MYH10: variants seen among roughly 807,000 people sequenced by gnomAD.
The protein encoded by MYH10 is myosin heavy chain 10.
Under a neutral mutation model 257.8 loss-of-function variants are expected in MYH10, and 55 were observed. The ratio of observed to expected loss-of-function variants is 0.21; its 90% confidence interval spans 0.17 to 0.27. MYH10 has a LOEUF of 0.27. MYH10 is among the 10% of genes least tolerant of loss of function. The pLI is 1.00. For missense variants in MYH10, 1,631 were observed against 2,500.6 expected (o/e 0.65, Z 7.42); for synonymous variants, 854 against 921.7 (o/e 0.93, Z 1.33).
chr17:8,601,878 T>A (rs1325155831), intron 3 of MYH10, among the ~76,000 whole-genome samples: 1 of 152,224 alleles, frequency 6.6e-6, no homozygotes, highest in Non-Finnish European at 1.5e-5. Context: ...GAATATTTTT[T>A]ATTAATACAC....
chr17:8,556,269 T>G (rs1399759283), intron 7 of MYH10, among the ~76,000 whole-genome samples: 3 of 151,888 alleles, frequency 2.0e-5, no homozygotes, highest in African/African-American at 7.3e-5. Context: ...CTGGGCGGGG[T>G]TTCACCCACG....
chr17:8,527,547 C>T (rs1454708056), intron 17 of MYH10, among the ~76,000 whole-genome samples: 1 of 152,182 alleles, frequency 6.6e-6, no homozygotes, highest in Non-Finnish European at 1.5e-5. Flanking sequence ...CCTTGGGACA[C>T]TATGAGCGAT....
chr17:8,550,261 G>A (rs1230259246), intron 9 of MYH10, among the ~76,000 whole-genome samples: 38 of 151,758 alleles, frequency 2.5e-4, no homozygotes, highest in Non-Finnish European at 2.9e-5. Context: ...CTTCCCGGCC[G>A]CCATCACATC....
chr17:8,518,780 T>G lies in MYH10; in HGVS notation c.2355A>C (p.Leu785Phe). 3.7e-6 allele frequency: 6 copies of G among 1,612,708 alleles called. No individual in the cohort carries two copies. Among genetic ancestry groups the G allele is most frequent in the Non-Finnish European group, 5.1e-6 (6 of 1,179,664 alleles). The change falls in exon 21 of 43, where the codon TTA becomes TTC. Residue 785 changes from leucine (L) to phenylalanine (F), a missense_variant. Physicochemically the swap from Leu to Phe is conservative, Grantham distance 22. Coordinates refer to ENST00000360416, the MANE Select transcript of MYH10 (RefSeq NM_001256012.3). ...KQACERMIRA[L>F]ELDPNLYRIG... ...TTCTGTACAAGTTTGGGTCCAATTC[T>G]AAAGCCCGGATCTAAGAGAGAAAGA...
rs537774012 is a variant in MYH10, at chr17:8,474,843, A to C, written c.*961T>G. 6.5e-6 allele frequency: 1 copy of C among 152,780 alleles called. No individual in the cohort carries two copies. The highest frequency in any genetic ancestry group is 1.9e-4 in the East Asian group (1 of 5,188). The allele number at this position is 152,780 out of a possible 1,614,324, so 9.5% of individuals were successfully genotyped here. A position where few individuals can be genotyped will look rare whatever the true frequency, so the allele number is the denominator to read the frequency against. On this transcript the variant is annotated 3_prime_UTR_variant, in exon 43 of 43. Transcript: ENST00000360416. Reference sequence around the variant, plus strand: ...CTGTTCTGGAGGCTCCATAAACCTCATTGACAAACTTGGAACAAGCCTCGG... The same window carrying C: ...CTGTTCTGGAGGCTCCATAAACCTCCTTGACAAACTTGGAACAAGCCTCGG...
At chr17:8,555,526 T>C (rs1317263117) in intron 7 of MYH10, among the ~76,000 whole-genome samples, 5 of 152,190 alleles carry the variant, frequency 3.3e-5, no homozygotes, top group Non-Finnish European at 7.3e-5. Context: ...GGTAATTTAA[T>C]AGGGAAAGGA....
At chr17:8,514,236 G>A (rs1366278205) in intron 21 of MYH10, among the ~76,000 whole-genome samples, 2 of 152,222 alleles carry the variant, frequency 1.3e-5, no homozygotes, top group Non-Finnish European at 2.9e-5. Context: ...ACTGTAGACA[G>A]AAGGGCCCGT....
Position 8,492,292 on chromosome 17 carries a change from CT to C in MYH10, c.4671+4del. ...CGGAAGTGTGGAGCCCACCAGGCGA[CT>C]TACGTTTTTTCCCACATCATCTTTG... On this transcript the variant is annotated splice_donor_region_variant and intron_variant, in intron 34 of 42. Coordinates refer to ENST00000360416, the MANE Select transcript of MYH10 (RefSeq NM_001256012.3). The C allele has an allele frequency of 6.2e-7, 1 of 1,611,414 alleles. No homozygotes were observed.
At chr17:8,529,623 C>T (rs967230614) in intron 17 of MYH10, among the ~76,000 whole-genome samples, 1 of 152,128 alleles carries the variant, frequency 6.6e-6, no homozygotes, top group Non-Finnish European at 1.5e-5. Context: ...TTCTCTCCTC[C>T]CACTCCATAC....
At position 8,490,912 on chromosome 17, in the gene MYH10, A is replaced by G. The variant is rs777472807; in HGVS notation, c.4672-360T>C. 2.8e-4 allele frequency among the ~76,000 whole-genome samples: 42 copies of G among 152,352 alleles called. No individual in the cohort carries two copies. Among genetic ancestry groups the G allele is most frequent in the Admixed American group, 5.9e-4 (9 of 15,304 alleles). On this transcript the variant is annotated intron_variant, in intron 34 of 42. Coordinates refer to ENST00000360416, the MANE Select transcript of MYH10 (RefSeq NM_001256012.3). The surrounding 1 kb of genome is among the most constrained non-coding windows in gnomAD (Gnocchi z 4.1). ...TCCTTGCCTGCTGTCTGTGAGGAAC[A>G]AGTACAACAGTACATCTCTTCTTGC...
intron 3 of MYH10, among the ~76,000 whole-genome samples, chr17:8,604,464 T>C (rs1025976192): frequency 4.6e-5 from 7 of 152,226 alleles, no homozygotes; most frequent in African/African-American, 1.7e-4. Context: ...CAATTTTTCT[T>C]TCCCCAGTGC....
At chr17:8,522,278 G>A (rs1277991705) in intron 17 of MYH10, among the ~76,000 whole-genome samples, 1 of 152,220 alleles carries the variant, frequency 6.6e-6, no homozygotes, top group Non-Finnish European at 1.5e-5. Context: ...TGTATGAAGA[G>A]CTTTATGTGC....
Position 8,589,119 on chromosome 17 carries a change from GAACAA to G in MYH10, c.503-16_503-12del, listed in dbSNP as rs1338130828. On this transcript the variant is annotated splice_polypyrimidine_tract_variant and intron_variant, in intron 3 of 42. Coordinates refer to ENST00000360416, the MANE Select transcript of MYH10 (RefSeq NM_001256012.3). ...ACTGGTCCTCACGATCTATAAAACAGAACAAAACAAACAAAAAAAAGAAAGTGACC... is the reference window on the plus strand; with the variant it reads ...ACTGGTCCTCACGATCTATAAAACAGAACAAACAAAAAAAAGAAAGTGACC... 2 of 1,610,412 alleles carry G rather than the reference GAACAA, an allele frequency of 1.2e-6. No individual in the cohort carries two copies. The highest frequency in any genetic ancestry group is 1.3e-5 in the African/African-American group (1 of 74,704).
chr17:8,524,838 A>G (rs1311146408), intron 17 of MYH10, among the ~76,000 whole-genome samples: 1 of 152,198 alleles, frequency 6.6e-6, no homozygotes, highest in Non-Finnish European at 1.5e-5. Context: ...TAGTGTCCAA[A>G]TAACTCAGCT....
At chr17:8,627,131 C>T in intron 1 of MYH10, among the ~76,000 whole-genome samples, 1 of 139,642 alleles carries the variant, frequency 7.2e-6, no homozygotes, top group East Asian at 2.0e-4. Context: ...ACTACATACA[C>T]GTGTGTATTT....
Position 8,605,941 on chromosome 17 carries a change from ATCTG to A in MYH10, c.346-963_346-960del, listed in dbSNP as rs138005047. 4.3e-3 allele frequency among the ~76,000 whole-genome samples: 661 copies of A among 152,284 alleles called. 7 individuals carry two copies. Among genetic ancestry groups the A allele is most frequent in the African/African-American group, 0.015 (616 of 41,568 alleles). ...GATTTGTAAAAATGTAAGAGTTTTC[ATCTG>A]TCTAATTTTTTTTTGTTTTGGAAAA... On this transcript the variant is annotated intron_variant, in intron 2 of 42. Coordinates refer to ENST00000360416, the MANE Select transcript of MYH10 (RefSeq NM_001256012.3).
intron 31 of MYH10, among the ~76,000 whole-genome samples, chr17:8,494,866 C>T (rs1391811456): frequency 6.6e-6 from 1 of 152,240 alleles, no homozygotes; most frequent in African/African-American, 2.4e-5. Context: ...TTGGGTCAAC[C>T]ACAGCCCAGG....
Position 8,571,173 on chromosome 17 carries a change from G to GTTTTT in MYH10, c.664-1366_664-1362dup, listed in dbSNP as rs10657223. 5.4e-4 allele frequency among the ~76,000 whole-genome samples: 79 copies of GTTTTT among 146,890 alleles called. 3 individuals carry two copies. The highest frequency in any genetic ancestry group is 1.1e-3 in the African/African-American group (42 of 39,668). On this transcript the variant is annotated intron_variant, in intron 6 of 42. Transcript: ENST00000360416. ...CTTACCAGACTATTTTTCCTGTAAA[G>GTTTTT]TTTTTGTTTTTTTTTTTTTGAGACG...
chr17:8,561,038 A>G, intron 7 of MYH10: 1 of 568,804 alleles, frequency 1.8e-6, no homozygotes, highest in Non-Finnish European at 3.1e-6. Context: ...CCTCCATCCC[A>G]CTTGCTCACA....
Sources: gnomAD v4.1 joint callset for allele counts (sites outside exome capture counted in the v4.1 genomes callset) on GRCh38, gnomAD v4.1.1 for gene constraint, Gnocchi (gnomAD v3.1) non-coding constraint, MANE v1.5 for transcripts, NCBI Gene and HGNC (gene_info 2026-07-23, HGNC 2026-07-21) for gene names.